The following DLG2 variants were observed in gnomAD, a reference collection of about 807,000 sequenced individuals.
DLG2 encodes the protein disks large homolog 2.
DLG2 carries 45 observed loss-of-function variants against 132.5 expected under a neutral mutation model. The observed-to-expected ratio is 0.34, with a 90% CI of 0.27 to 0.44. The LOEUF is 0.44. Among genes scored for constraint, DLG2 ranks in the 20% least tolerant of loss-of-function variants. The pLI is 1.00. For missense variants in DLG2, 1,045 were observed against 1,196.9 expected, an observed-to-expected ratio of 0.87 and a Z score of 1.87; for synonymous variants, 424 against 419.6, an observed-to-expected ratio of 1.01 and a Z score of -0.13.
chr11:85,348,309 G>C (rs1320554004), intron 3 of DLG2, among the ~76,000 whole-genome samples: 1 of 151,478 alleles, frequency 6.6e-6, no homozygotes. Flanking sequence ...TGCAACTTCA[G>C]CCTCCCAGGT....
intron 7 of DLG2, among the ~76,000 whole-genome samples, chr11:84,290,803 G>T (rs2097982532): frequency 1.3e-5 from 2 of 152,054 alleles, no homozygotes; most frequent in African/African-American, 4.8e-5. Context: ...TTGTTCTTTT[G>T]GTAGTACATT....
At chr11:85,172,872 A>T (rs1253838952) in intron 4 of DLG2, among the ~76,000 whole-genome samples, 1 of 152,196 alleles carries the variant, frequency 6.6e-6, no homozygotes, top group Non-Finnish European at 1.5e-5. Flanking sequence ...AAAGAATCTC[A>T]GAGCTTGAAG....
At chr11:85,170,573 A>G (rs1306709198) in intron 4 of DLG2, among the ~76,000 whole-genome samples, 1 of 152,188 alleles carries the variant, frequency 6.6e-6, no homozygotes, top group African/African-American at 2.4e-5. Flanking sequence ...ATGACAAAGT[A>G]CCATAATTTG....
chr11:85,056,802 T>A (rs890858358), intron 6 of DLG2, among the ~76,000 whole-genome samples: 1 of 151,918 alleles, frequency 6.6e-6, no homozygotes, highest in African/African-American at 2.4e-5. Flanking sequence ...ATGAAAGCCA[T>A]AGGCATTTTT....
At chr11:83,850,160 G>GTGTGTGTGTGTGTGTTTT (rs1452960432) in intron 16 of DLG2, among the ~76,000 whole-genome samples, 3 of 124,304 alleles carry the variant, frequency 2.4e-5, no homozygotes, top group African/African-American at 1.1e-4. Flanking sequence ...GTGTGTGTGT[G>GTGTGTGTGTGTGTGTTTT]TTTTTTTACT....
rs1188103041 is a variant in DLG2 at position 83,471,609 on chromosome 11, A to G, written c.2446+17T>C. 2 of 1,589,414 alleles carry G rather than the reference A, an allele frequency of 1.3e-6. No individual in the cohort carries two copies. Among genetic ancestry groups the G allele is most frequent in the East Asian group, 2.2e-5 (1 of 44,726 alleles). On this transcript the variant is annotated intron_variant, in intron 24 of 27. Coordinates refer to ENST00000376104, the MANE Select transcript of DLG2 (RefSeq NM_001142699.3). The stretch of plus-strand genomic sequence containing the variant: ...GCTCTTTTTGTTTTTCCTAGAGGAA[A>G]GAAAAATGACACTTACGAGGCACAC...
intron 3 of DLG2, among the ~76,000 whole-genome samples, chr11:85,550,683 C>CTT (rs2076613575): frequency 6.6e-6 from 1 of 152,236 alleles, no homozygotes; most frequent in Non-Finnish European, 1.5e-5. Context: ...CTGCATGGAA[C>CTT]TTTTCCTAAC....
intron 3 of DLG2, among the ~76,000 whole-genome samples, chr11:85,502,517 G>A (rs2093828812): frequency 6.6e-6 from 1 of 152,156 alleles, no homozygotes; most frequent in African/African-American, 2.4e-5. Context: ...GGATGAAGGT[G>A]GAAGCCATCA....
At chr11:85,253,889 C>G (rs751582942) in intron 4 of DLG2, among the ~76,000 whole-genome samples, 6 of 152,162 alleles carry the variant, frequency 3.9e-5, no homozygotes, top group Non-Finnish European at 7.3e-5. Flanking sequence ...CAAGGCTGGA[C>G]TCCTCTCTGA....
chr11:85,596,098 G>A (rs2079737306), intron 3 of DLG2, among the ~76,000 whole-genome samples: 1 of 151,962 alleles, frequency 6.6e-6, no homozygotes, highest in South Asian at 2.1e-4. Context: ...ACTAAGAATT[G>A]AAAAATAAGG....
chr11:84,280,014 C>T (rs144986330), intron 7 of DLG2, among the ~76,000 whole-genome samples: 10 of 152,104 alleles, frequency 6.6e-5, no homozygotes, highest in Admixed American at 3.3e-4. Context: ...TCAACATTGT[C>T]GGAGAGGTTC....
intron 9 of DLG2, among the ~76,000 whole-genome samples, chr11:84,163,144 A>G (rs1447265015): frequency 2.0e-5 from 3 of 152,182 alleles, no homozygotes; most frequent in Admixed American, 2.0e-4. Context: ...TAACATATCT[A>G]AATAATGTAT....
chr11:84,646,672 TAAC>T (rs1350857674), intron 6 of DLG2, among the ~76,000 whole-genome samples: 3 of 137,932 alleles, frequency 2.2e-5, no homozygotes, highest in African/African-American at 8.0e-5. Flanking sequence ...GTTCAAAAAA[TAAC>T]AACCTCAGAG....
intron 2 of DLG2, among the ~76,000 whole-genome samples, chr11:85,613,657 A>G (rs1053865301): frequency 2.4e-4 from 37 of 152,202 alleles, no homozygotes; most frequent in African/African-American, 8.9e-4. Flanking sequence ...AAACGGACCA[A>G]TCAGCACTCT....
At chr11:83,743,079 A>G (rs762809241) in intron 18 of DLG2, among the ~76,000 whole-genome samples, 3 of 152,204 alleles carry the variant, frequency 2.0e-5, no homozygotes, top group African/African-American at 4.8e-5. Context: ...AAATGGATCT[A>G]TCCAACCAAG....
At chr11:84,194,983 G>A (rs1211153590) in intron 8 of DLG2, among the ~76,000 whole-genome samples, 1 of 152,152 alleles carries the variant, frequency 6.6e-6, no homozygotes, top group Non-Finnish European at 1.5e-5. Context: ...ACACCTCCCT[G>A]CAAGCAGGGG....
intron 21 of DLG2, among the ~76,000 whole-genome samples, chr11:83,513,166 C>T (rs2095127652): frequency 6.6e-6 from 1 of 152,190 alleles, no homozygotes; most frequent in Non-Finnish European, 1.5e-5. Context: ...AAAAGTGTTC[C>T]TATTTCTCCA....
intron 6 of DLG2, chr11:84,923,211 C>A: frequency 1.3e-6 from 2 of 1,592,840 alleles, no homozygotes; most frequent in Non-Finnish European, 1.7e-6. Flanking sequence ...TACTAAAGAG[C>A]ATCCGTTCCC....
chr11:83,877,002 T>A (rs2064942542), intron 15 of DLG2, among the ~76,000 whole-genome samples: 1 of 152,120 alleles, frequency 6.6e-6, no homozygotes, highest in South Asian at 2.1e-4. Context: ...AATGAACATG[T>A]TGATATCAAT....
Sources: gnomAD v4.1 joint callset for allele counts (sites outside exome capture counted in the v4.1 genomes callset) on GRCh38, gnomAD v4.1.1 for gene constraint, MANE v1.5 for transcripts, NCBI Gene and HGNC (gene_info 2026-07-23, HGNC 2026-07-21) for gene names.